Variants in FLNB observed in about 807,000 individuals in gnomAD.
FLNB encodes filamin B.
Under a neutral mutation model 250.6 loss-of-function variants are expected in FLNB, and 111 were observed. The observed-to-expected ratio is 0.44, with a 90% confidence interval of 0.38 to 0.52. The LOEUF (loss-of-function observed/expected upper bound fraction) is 0.52. Ranked by LOEUF, FLNB falls within the 20% of genes least tolerant of loss-of-function variation. The pLI, the probability that FLNB is intolerant of heterozygous loss-of-function variation, is 0.00. For synonymous variants in FLNB, 1,302 were observed against 1,372.1 expected (o/e 0.95, Z 1.13); for missense variants, 2,869 against 3,447.8 (o/e 0.83, Z 4.20).
chr3:58,147,009 T>G lies in FLNB; in HGVS notation c.5728+16T>G. The G allele has an allele frequency of 6.2e-7, 1 of 1,613,222 alleles. No homozygotes were observed. Among genetic ancestry groups the G allele is most frequent in the Non-Finnish European group, 8.5e-7 (1 of 1,179,906 alleles). On this transcript the variant is annotated intron_variant, in intron 34 of 45. Transcript: ENST00000295956. ...AAGATCACAGGTAGGGTTGTCTGGC[T>G]TCTGGGGTCTTCCTCGTGGGAAGTA...
chr3:58,070,062 T>TTG (rs1190357034), intron 1 of FLNB, among the ~76,000 whole-genome samples: 1 of 150,972 alleles, frequency 6.6e-6, no homozygotes, highest in Admixed American at 6.6e-5. Flanking sequence ...TTTTTTTTTT[T>TTG]TTTTGAGACA....
At position 58,134,358 on chromosome 3, in the gene FLNB, C is replaced by T. The variant is rs534062062; in HGVS notation, c.4515-258C>T. 2.3e-4 allele frequency among the ~76,000 whole-genome samples: 35 copies of T among 152,304 alleles called. No individual in the cohort carries two copies. The South Asian group carries it at 3.1e-3, about 14-fold the overall frequency. On this transcript the variant is annotated intron_variant, in intron 26 of 45. Transcript: ENST00000295956. ...CCCCACCAGGCCCCCTGGTCTTCTA[C>T]GAAACCAGTCCCTAGTGCCAAAAAG... is the stretch of plus-strand genomic sequence containing the variant.
At chr3:58,119,620 T>C (rs961142432) in intron 19 of FLNB, among the ~76,000 whole-genome samples, 2 of 152,232 alleles carry the variant, frequency 1.3e-5, no homozygotes, top group Non-Finnish European at 2.9e-5. Flanking sequence ...AACACTGATG[T>C]ACTTATCACT....
At chr3:58,015,334 G>C (rs888860199) in intron 1 of FLNB, among the ~76,000 whole-genome samples, 1 of 152,188 alleles carries the variant, frequency 6.6e-6, no homozygotes, top group Non-Finnish European at 1.5e-5. Context: ...CCAGGACTTT[G>C]TCTTGTCTTC....
chr3:58,119,550 C>A (rs915214404), intron 19 of FLNB, among the ~76,000 whole-genome samples: 10 of 152,106 alleles, frequency 6.6e-5, no homozygotes, highest in Non-Finnish European at 1.5e-4. Context: ...TTTCAATTTT[C>A]TGATTATTTT....
At chr3:58,030,658 G>T (rs2097129583) in intron 1 of FLNB, among the ~76,000 whole-genome samples, 1 of 152,164 alleles carries the variant, frequency 6.6e-6, no homozygotes. Context: ...CAGATCACTT[G>T]AGGCCAGGAG....
intron 3 of FLNB, among the ~76,000 whole-genome samples, chr3:58,081,419 G>T (rs911705825): frequency 4.6e-5 from 7 of 152,126 alleles, no homozygotes; most frequent in African/African-American, 1.4e-4. Flanking sequence ...TTTTGGAGAG[G>T]GGCCCCTAGC....
rs1411694347 is a variant in FLNB at position 58,097,897 on chromosome 3, A to G, written c.1067A>G (p.Lys356Arg). 2 of 1,614,150 alleles carry G rather than the reference A, an allele frequency of 1.2e-6. No homozygotes were observed. The highest frequency in any genetic ancestry group is 1.1e-5 in the South Asian group (1 of 91,074). The change falls in exon 7 of 46, where the codon AAA becomes AGA. Residue 356 changes from lysine to arginine, a missense_variant. Around this residue, in one of 5 missense-constraint regions of FLNB, gnomAD observed 308 missense variants for 466.1 expected, o/e 0.66. Transcript: ENST00000295956. The part of the protein sequence containing the change: ...SVDKAQGDAS[K>R]VTAKGPGLEA... ...GACAAGGCCCAGGGAGATGCCAGTA[A>G]AGTCACTGCAAAAGGTCCAGGGTTG...
chr3:58,051,764 C>A (rs916529379), intron 1 of FLNB, among the ~76,000 whole-genome samples: 3 of 151,688 alleles, frequency 2.0e-5, no homozygotes, highest in African/African-American at 7.3e-5. Flanking sequence ...AGTGTTAAGG[C>A]TTGAGAAGTT....
intron 1 of FLNB, among the ~76,000 whole-genome samples, chr3:58,055,196 G>A (rs781576185): frequency 1.3e-4 from 20 of 152,060 alleles, no homozygotes; most frequent in Non-Finnish European, 2.6e-4. Flanking sequence ...AACCCAGAAG[G>A]CAGAGGTTGC....
intron 33 of FLNB, chr3:58,146,533 A>T (rs1387485578): frequency 1.1e-5 from 5 of 454,434 alleles, no homozygotes; most frequent in Admixed American, 6.9e-5. Flanking sequence ...TGTGTAATTG[A>T]TGTACACGGC....
chr3:58,123,726 A>AG, intron 21 of FLNB, 36 bp downstream of exon 21: 14 of 1,305,486 alleles, frequency 1.1e-5, no homozygotes, highest in Non-Finnish European at 1.5e-5. Flanking sequence ...AAAAAAAAAA[A>AG]GACAAGCTGG....
rs1029914274 is a variant in FLNB at position 58,153,297 on chromosome 3, C to T, written c.6368-78C>T. 4.5e-6 allele frequency: 7 copies of T among 1,555,002 alleles called. No individual in the cohort carries two copies. In the Admixed American group the frequency reaches 1.2e-4, roughly 26 times the overall value. ...GCTGCACACACCTTGCTCTCGGCTG[C>T]TTGCCCTGCATGTCCTGCCCTGTCT... is the stretch of plus-strand genomic sequence containing the variant. On this transcript the variant is annotated intron_variant, in intron 38 of 45. Transcript: ENST00000295956.
chr3:58,114,021 A>G (rs928077852), intron 18 of FLNB, among the ~76,000 whole-genome samples: 1 of 151,726 alleles, frequency 6.6e-6, no homozygotes, highest in Non-Finnish European at 1.5e-5. Context: ...TTCTTCCTAT[A>G]TGTCCTCCAT....
rs570763631 is a variant in FLNB at position 58,014,091 on chromosome 3, TTTATGGTACATAGTAAGTGCTC to T, written c.292+5237_292+5258del. 6.3e-3 allele frequency among the ~76,000 whole-genome samples: 960 copies of T among 152,288 alleles called. 6 individuals are homozygous for T. The highest frequency in any genetic ancestry group is 0.022 in the African/African-American group (925 of 41,566). The stretch of plus-strand genomic sequence containing the variant: ...ATAATTTTTAAAGTGCTTGGCACAG[TTTATGGTACATAGTAAGTGCTC>T]TGTGAATGCCTGTTAATTAAATAAG... On this transcript the variant is annotated intron_variant, in intron 1 of 45. Coordinates refer to ENST00000295956, the MANE Select transcript of FLNB (RefSeq NM_001457.4).
chr3:58,131,835 ATGAG>A, intron 25 of FLNB: 2 of 861,662 alleles, frequency 2.3e-6, no homozygotes, highest in South Asian at 2.9e-5. Flanking sequence ...GTATGTGTGA[ATGAG>A]AGAGGGAGAA....
intron 1 of FLNB, among the ~76,000 whole-genome samples, chr3:58,038,512 T>C (rs1369410982): frequency 6.6e-6 from 1 of 151,694 alleles, no homozygotes; most frequent in African/African-American, 2.4e-5. Flanking sequence ...TAACCTCAAA[T>C]TGCTGGGCTC....
rs1352510294 is a variant in FLNB at position 58,097,938 on chromosome 3, AT to A, written c.1109del (p.Ile370ThrfsTer120). 6.2e-7 allele frequency: 1 copy of A among 1,614,192 alleles called. No individual in the cohort carries two copies. ...KGPGLEAVGN[I>X]ANKPTYFDIY... ...TCCAGGGTTGGAAGCTGTAGGGAACATCGCCAATAAGCCCACCTACTTTGAC... is the reference window on the plus strand; with the variant it reads ...TCCAGGGTTGGAAGCTGTAGGGAACACGCCAATAAGCCCACCTACTTTGAC... On this transcript the variant is annotated frameshift_variant, in exon 7 of 46. Coordinates refer to ENST00000295956, the MANE Select transcript of FLNB (RefSeq NM_001457.4). LOFTEE classifies it high-confidence loss of function.
intron 18 of FLNB, among the ~76,000 whole-genome samples, chr3:58,113,800 TC>T (rs2097273106): frequency 6.6e-6 from 1 of 152,158 alleles, no homozygotes; most frequent in East Asian, 1.9e-4. Context: ...TGCCTCAGCC[TC>T]CCGAGCAGGT....
Sources: allele counts gnomAD v4.1 joint callset (sites outside exome capture counted in the v4.1 genomes callset), GRCh38; gene constraint gnomAD v4.1.1; regional missense constraint gnomAD v4.1.1; transcripts MANE v1.5; gene names NCBI Gene and HGNC (gene_info 2026-07-23, HGNC 2026-07-21).